PIWIL1: variants seen among roughly 807,000 people sequenced by gnomAD.
PIWIL1 encodes the protein piwi like RNA-mediated gene silencing 1, also known as piwi-like protein 1.
PIWIL1 carries 73 observed loss-of-function variants against 114.4 expected under a neutral mutation model. The ratio of observed to expected loss-of-function variants is 0.64; its 90% confidence interval spans 0.53 to 0.78. The LOEUF (loss-of-function observed/expected upper bound fraction) is 0.78. Ranked by LOEUF, PIWIL1 falls within the 30% of genes least tolerant of loss-of-function variation. The probability of loss-of-function intolerance (pLI) is 0.00; values close to 1 mark genes in which losing one functional copy is unlikely to be tolerated. For missense variants in PIWIL1, 723 were observed against 1,063.1 expected (o/e 0.68, Z 4.45); for synonymous variants, 375 against 369.0 (o/e 1.02, Z -0.19).
downstream of PIWIL1, among the ~76,000 whole-genome samples, chr12:130,375,465 G>A (rs895843132): frequency 6.6e-6 from 1 of 152,072 alleles, no homozygotes; most frequent in African/African-American, 2.4e-5. Flanking sequence ...AAAAATCCAG[G>A]CAGAGCTTCA....
chr12:130,339,931 G>C (rs963797641), intron 1 of PIWIL1, among the ~76,000 whole-genome samples: 1 of 152,198 alleles, frequency 6.6e-6, no homozygotes, highest in African/African-American at 2.4e-5. Flanking sequence ...AGTTCAGCTT[G>C]TCACTGTTTT....
downstream of PIWIL1, among the ~76,000 whole-genome samples, chr12:130,376,415 C>T (rs1189427515): frequency 6.6e-6 from 1 of 152,200 alleles, no homozygotes; most frequent in African/African-American, 2.4e-5. Flanking sequence ...GAAAAGTGAC[C>T]TCTCAGTATC....
At chr12:130,381,989 A>C in the PIWIL1 span, among the ~76,000 whole-genome samples, 1 of 152,058 alleles carries the variant, frequency 6.6e-6, no homozygotes, top group Non-Finnish European at 1.5e-5. Flanking sequence ...CCCCTTTTTT[A>C]ATCAGGCTGT....
intron 1 of PIWIL1, among the ~76,000 whole-genome samples, chr12:130,339,886 G>T (rs1318478956): frequency 6.6e-6 from 1 of 152,180 alleles, no homozygotes; most frequent in South Asian, 2.1e-4. Context: ...GAGAACTGAC[G>T]TGCTGCTTTA....
rs1247319708 is a variant in PIWIL1 at position 130,339,090 on chromosome 12, C to T, written c.-13+944C>T. Among the ~76,000 whole-genome samples, 3 of 152,190 alleles carry T rather than the reference C, an allele frequency of 2.0e-5. No homozygotes were observed. In the East Asian group the frequency reaches 5.8e-4, roughly 30 times the overall value. ...GGCGAGGGCCCCTTCCCGCGTCCGC[C>T]GCCGCTGCGCTGCGCCCCCGGGAGC... On this transcript the variant is annotated intron_variant, in intron 1 of 20. Transcript: ENST00000245255.
Position 130,338,082 on chromosome 12 carries a change from G to A in PIWIL1, c.-77G>A, listed in dbSNP as rs1056317140. 3.8e-5 allele frequency: 8 copies of A among 208,572 alleles called. No homozygotes were observed. Among genetic ancestry groups the A allele is most frequent in the Non-Finnish European group, 9.6e-6 (1 of 103,884 alleles). 12.9% of individuals were successfully genotyped at this position (208,572 alleles called of 1,614,324 possible). ...GCGCGGAGGGATCTCCGCGGGAGCC[G>A]TTGGGGCTGTTGGCCTCGGGCTGAG... On this transcript the variant is annotated 5_prime_UTR_variant, in exon 1 of 21. Coordinates refer to ENST00000245255, the MANE Select transcript of PIWIL1 (RefSeq NM_004764.5).
the PIWIL1 span, among the ~76,000 whole-genome samples, chr12:130,389,700 AAGTT>A: frequency 6.6e-6 from 1 of 152,070 alleles, no homozygotes; most frequent in African/African-American, 2.4e-5. Context: ...GTCTAGTTCA[AAGTT>A]AGTTCACATC....
At chr12:130,360,842 G>A (rs73448198) in intron 14 of PIWIL1, among the ~76,000 whole-genome samples, 2,163 of 152,284 alleles carry the variant, frequency 0.014, 29 homozygotes, top group East Asian at 0.05. Context: ...AAGACTGTGG[G>A]AAATCTTTAA....
At chr12:130,368,374 A>G (rs2073728573) in intron 19 of PIWIL1, among the ~76,000 whole-genome samples, 1 of 152,302 alleles carries the variant, frequency 6.6e-6, no homozygotes, top group South Asian at 2.1e-4. Context: ...AGGCAATACT[A>G]TAGCGACTTT....
the PIWIL1 span, among the ~76,000 whole-genome samples, chr12:130,392,475 T>G: frequency 2.5e-3 from 97 of 38,046 alleles, 6 homozygotes; most frequent in African/African-American, 5.8e-3. Flanking sequence ...AATGTTGTGA[T>G]GACCCGGTCA....
the PIWIL1 span, chr12:130,407,896 C>T: frequency 7.1e-7 from 1 of 1,417,014 alleles, no homozygotes; most frequent in Non-Finnish European, 1.0e-6. Flanking sequence ...GTGTTCCCCT[C>T]CTTCCGGGTC....
rs1330874713 is a variant in PIWIL1 at position 130,367,133 on chromosome 12, C to T, written c.2196C>T (p.Asn732=). The change falls in exon 19 of 21, where the codon AAC becomes AAT. Residue 732 remains asparagine, a splice_region_variant and synonymous_variant. Coordinates refer to ENST00000245255, the MANE Select transcript of PIWIL1 (RefSeq NM_004764.5). ...AGTTACATTCATCATCATTTTTAAG[C>T]CCTAGACTAACGGTAATTGTGGTGA... The part of the protein sequence containing the change: ...DCLKSIGRGY[N]PRLTVIVVKK... The T allele has an allele frequency of 3.7e-6, 6 of 1,613,966 alleles. No homozygotes were observed. Among genetic ancestry groups the T allele is most frequent in the Non-Finnish European group, 5.1e-6 (6 of 1,179,928 alleles).
chr12:130,381,747 C>T, the PIWIL1 span, among the ~76,000 whole-genome samples: 5 of 152,182 alleles, frequency 3.3e-5, no homozygotes, highest in South Asian at 4.1e-4. Context: ...TTTAGAATGG[C>T]GTACCATTTT....
rs1275638955 is a variant in PIWIL1 at position 130,363,140 on chromosome 12, T to C, written c.2191T>C (p.Tyr731His). 1 of 1,613,346 alleles carries C rather than the reference T, an allele frequency of 6.2e-7. No homozygotes were observed. The highest frequency in any genetic ancestry group is 8.5e-7 in the Non-Finnish European group (1 of 1,179,614). The change falls in exon 18 of 21, where the codon TAC becomes CAC. Residue 731 changes from tyrosine (Y) to histidine (H), a missense_variant. By Grantham distance (83) the Tyr-to-His change is moderately conservative (BLOSUM62 2). Coordinates refer to ENST00000245255, the MANE Select transcript of PIWIL1 (RefSeq NM_004764.5). ...TTGTCTAAAATCCATTGGTAGAGGT[T>C]ACAAGTAAGCATGCAAATTGTAAAG... is the stretch of plus-strand genomic sequence containing the variant. ...LDCLKSIGRG[Y>H]NPRLTVIVVK...
At chr12:130,391,318 G>T in the PIWIL1 span, among the ~76,000 whole-genome samples, 1 of 152,176 alleles carries the variant, frequency 6.6e-6, no homozygotes, top group Non-Finnish European at 1.5e-5. Context: ...CGCTGGGGCC[G>T]TGCTCTCTCT....
At chr12:130,406,199 A>G in the PIWIL1 span, 2 of 1,599,862 alleles carry the variant, frequency 1.3e-6, no homozygotes, top group African/African-American at 1.3e-5. Context: ...CATCAATTTC[A>G]CCAAAAACTG....
intron 9 of PIWIL1, among the ~76,000 whole-genome samples, chr12:130,353,191 G>A (rs1374511945): frequency 2.0e-5 from 3 of 151,262 alleles, no homozygotes; most frequent in South Asian, 4.2e-4. Flanking sequence ...CAGTGGAGAT[G>A]TGTGTGTGGT....
chr12:130,410,826 A>G, the PIWIL1 span, among the ~76,000 whole-genome samples: 7 of 152,214 alleles, frequency 4.6e-5, no homozygotes, highest in African/African-American at 1.7e-4. Flanking sequence ...TGTTAAAAAT[A>G]GTTTTGGCTA....
At position 130,346,979 on chromosome 12, in the gene PIWIL1, T is replaced by G. The variant is rs200760485; in HGVS notation, c.570T>G (p.Asp190Glu). 4.8e-5 allele frequency: 78 copies of G among 1,613,810 alleles called. No homozygotes were observed. In the East Asian group the frequency reaches 1.1e-3, roughly 24 times the overall value. ...TTAGTAAGACCCGGAATGGAGAGGATGTGAGGATAACGATCACTTTAACAA... is the reference window on the plus strand; with the variant it reads ...TTAGTAAGACCCGGAATGGAGAGGAGGTGAGGATAACGATCACTTTAACAA... ...EVFSKTRNGE[D>E]VRITITLTNE... Residue 190 changes from aspartate (D) to glutamate (E), a missense_variant, in exon 6 of 21, where the codon GAT (aspartate) becomes GAG (glutamate). Asp to Glu is a conservative substitution (Grantham distance 45). Transcript: ENST00000245255.
Sources: allele counts gnomAD v4.1 joint callset (sites outside exome capture counted in the v4.1 genomes callset), GRCh38; gene constraint gnomAD v4.1.1; transcripts MANE v1.5; gene names NCBI Gene and HGNC (gene_info 2026-07-23, HGNC 2026-07-21).